RTKN: variants seen among roughly 807,000 people sequenced by gnomAD.
The protein encoded by RTKN is rhotekin.
Under a neutral mutation model 63.5 loss-of-function variants are expected in RTKN, and 49 were observed. The ratio of observed to expected loss-of-function variants is 0.77; its 90% CI spans 0.61 to 0.98. RTKN has a LOEUF of 0.98. RTKN is among the 50% of genes least tolerant of loss of function. RTKN has a pLI of 0.00. For missense variants in RTKN, 685 were observed against 740.8 expected (o/e 0.92, Z 0.87); for synonymous variants, 295 against 290.4 (o/e 1.02, Z -0.16).
At position 74,426,292 on chromosome 2, in the gene RTKN, C is replaced by A; in HGVS notation, c.1643G>T (p.Gly548Val). 2 of 1,614,046 alleles carry A rather than the reference C, an allele frequency of 1.2e-6. No individual in the cohort carries two copies. The highest frequency in any genetic ancestry group is 1.7e-6 in the Non-Finnish European group (2 of 1,179,998). The change falls in exon 12 of 12, where the codon GGC (glycine) becomes GTC (valine). Residue 548 changes from glycine (G) to valine (V), a missense_variant. Transcript: ENST00000272430. ...LPPQRSPRTR[G>V]LCSKGQPRTW... ...GCGAGGTTGGCCTTTGCTGCAGAGG[C>A]CTCTGGTCCGTGGGGATCGCTGAGG...
chr2:74,429,229 A>G (rs1036758695), intron 6 of RTKN, among the ~76,000 whole-genome samples: 10 of 152,194 alleles, frequency 6.6e-5, no homozygotes, highest in African/African-American at 2.2e-4. Context: ...CTTGCCCATA[A>G]TTTATAGGTG....
In RTKN at chr2:74,435,807, A is replaced by G. The variant is rs561618384; in HGVS notation, c.112-3141T>C. Among the ~76,000 whole-genome samples, 147 of 152,286 alleles carry G rather than the reference A, an allele frequency of 9.7e-4. 2 individuals are homozygous for G. Among genetic ancestry groups the G allele is most frequent in the African/African-American group, 3.4e-3 (141 of 41,556 alleles). On this transcript the variant is annotated intron_variant, in intron 1 of 11. Coordinates refer to ENST00000272430, the MANE Select transcript of RTKN (RefSeq NM_001015055.2). ...CTGTCCCTAGTGGCTCCAGCCTTCAAGTCTCTCAGACCCGAACACCCTAAA... is the reference window on the plus strand; with the variant it reads ...CTGTCCCTAGTGGCTCCAGCCTTCAGGTCTCTCAGACCCGAACACCCTAAA...
At chr2:74,435,766 C>T (rs1425298901) in intron 1 of RTKN, among the ~76,000 whole-genome samples, 1 of 152,228 alleles carries the variant, frequency 6.6e-6, no homozygotes, top group Admixed American at 6.5e-5. Flanking sequence ...CTCCTCCATA[C>T]ACTGTGCCCT....
At chr2:74,434,791 A>C (rs189471472) in intron 1 of RTKN, among the ~76,000 whole-genome samples, 1 of 151,588 alleles carries the variant, frequency 6.6e-6, no homozygotes, top group African/African-American at 2.4e-5. Context: ...TTTGGAGTTT[A>C]AAAAAAAATG....
chr2:74,439,092 T>G (rs551596516), intron 1 of RTKN, among the ~76,000 whole-genome samples: 11 of 152,144 alleles, frequency 7.2e-5, no homozygotes, highest in Non-Finnish European at 1.5e-4. Context: ...CTGGGCAATA[T>G]AGTGAGACCT....
At position 74,436,375 on chromosome 2, in the gene RTKN, T is replaced by C. The variant is rs568416552; in HGVS notation, c.112-3709A>G. Among the ~76,000 whole-genome samples the C allele has an allele frequency of 3.9e-5, 6 of 152,120 alleles. No individual in the cohort carries two copies. The highest frequency in any genetic ancestry group is 7.4e-5 in the Non-Finnish European group (5 of 67,950). ...GACGCCGGTGACATCAGCTCCCAAT[T>C]GCCGCGAGAGCAACTGAGGGGTACC... On this transcript the variant is annotated intron_variant, in intron 1 of 11. Transcript: ENST00000272430. The surrounding 1 kb of genome is among the most constrained non-coding windows in gnomAD (Gnocchi z 4.3).
At position 74,430,517 on chromosome 2, in the gene RTKN, G is replaced by A. The variant is rs757680406; in HGVS notation, c.375C>T (p.Asp125=). 6.2e-7 allele frequency: 1 copy of A among 1,614,204 alleles called. No individual in the cohort carries two copies. Among genetic ancestry groups the A allele is most frequent in the African/African-American group, 1.3e-5 (1 of 75,064 alleles). The change falls in exon 4 of 12, where the codon GAC becomes GAT. Residue 125 remains aspartate, a splice_region_variant and synonymous_variant. Coordinates refer to ENST00000272430, the MANE Select transcript of RTKN (RefSeq NM_001015055.2). ...CCTTCCACATGAGTGGAATCCGGAGGTCTAAGGGGCAGAGGGGTAAGAATA... is the reference window on the plus strand; with the variant it reads ...CCTTCCACATGAGTGGAATCCGGAGATCTAAGGGGCAGAGGGGTAAGAATA... ...SPCRGRVCIS[D]LRIPLMWKDT...
intron 1 of RTKN, among the ~76,000 whole-genome samples, chr2:74,441,496 C>G (rs947560616): frequency 6.6e-6 from 1 of 152,238 alleles, no homozygotes; most frequent in Non-Finnish European, 1.5e-5. Flanking sequence ...GGCAGATAAT[C>G]CTAACCAGGC....
chr2:74,428,428 G>C (rs1670538611), intron 8 of RTKN, 32 bp from the exon 9 acceptor site: 2 of 1,613,962 alleles, frequency 1.2e-6, no homozygotes, highest in Admixed American at 3.3e-5. Flanking sequence ...TTCTGGGGAA[G>C]TCACGGCCCC....
chr2:74,432,595 G>A lies in RTKN; in HGVS notation c.183C>T (p.Ala61=), dbSNP rs1212317437. 6.2e-7 allele frequency: 1 copy of A among 1,613,992 alleles called. No homozygotes were observed. The highest frequency in any genetic ancestry group is 8.5e-7 in the Non-Finnish European group (1 of 1,180,018). The stretch of plus-strand genomic sequence containing the variant: ...CCAGAGCCTGCTCTCGCTGGGAGCA[G>A]GCTGCCAGCAGCTTACAGGCCCCTT... ...MREGACKLLA[A]CSQREQALEA... Residue 61 remains alanine, a synonymous_variant, in exon 2 of 12, where the codon GCC becomes GCT. Transcript: ENST00000272430.
rs1267083943 is a variant in RTKN, at chr2:74,436,164, A to C, written c.112-3498T>G. Among the ~76,000 whole-genome samples the C allele has an allele frequency of 6.6e-6, 1 of 152,226 alleles. No homozygotes were observed. The highest frequency in any genetic ancestry group is 2.4e-5 in the African/African-American group (1 of 41,478). On this transcript the variant is annotated intron_variant, in intron 1 of 11. Coordinates refer to ENST00000272430, the MANE Select transcript of RTKN (RefSeq NM_001015055.2). The surrounding 1 kb of genome is among the most constrained non-coding windows in gnomAD (Gnocchi z 4.3). ...GGTGTCCTCAACCCCCATCTTGGCT[A>C]GTCTCATCCCAGTCCCAGCACTCAC...
intron 6 of RTKN, 93 bp downstream of exon 6, chr2:74,429,735 G>A: frequency 8.2e-7 from 1 of 1,222,670 alleles, no homozygotes; most frequent in East Asian, 2.4e-5. Context: ...TGGCAGCAAT[G>A]CAAAATGGGT....
intron 11 of RTKN, chr2:74,426,812 A>T: frequency 7.4e-7 from 1 of 1,354,022 alleles, no homozygotes; most frequent in Admixed American, 3.5e-5. Flanking sequence ...AGGAGTGGGG[A>T]GCAGAGGTGG....
chr2:74,432,255 G>A (rs1323008459), intron 2 of RTKN: 3 of 700,098 alleles, frequency 4.3e-6, no homozygotes, highest in Non-Finnish European at 7.8e-6. Flanking sequence ...CAGACACACC[G>A]ACTTTTCTAA....
intron 9 of RTKN, 40 bp from the exon 10 acceptor site, chr2:74,427,632 T>G: frequency 1.3e-6 from 2 of 1,592,108 alleles, no homozygotes; most frequent in Non-Finnish European, 1.7e-6. Flanking sequence ...TCACAGAAGT[T>G]GGCAGTGACA....
Position 74,430,387 on chromosome 2 carries a change from A to G in RTKN, c.428-18T>C. 6.2e-7 allele frequency: 1 copy of G among 1,613,966 alleles called. No homozygotes were observed. On this transcript the variant is annotated intron_variant, in intron 4 of 11. Transcript: ENST00000272430. ...GTGCAAGTCTGGGGACAAAGGGCAA[A>G]ACAAAAAACACGTCCCACGAGAGCC...
At position 74,427,685 on chromosome 2, in the gene RTKN, G is replaced by C. The variant is rs1305539935; in HGVS notation, c.1087-93C>G. The C allele has an allele frequency of 4.4e-6, 6 of 1,377,522 alleles. No individual in the cohort carries two copies. In the African/African-American group the frequency reaches 8.7e-5, roughly 20 times the overall value. The allele number at this position is 1,377,522 out of a possible 1,614,324, so 85.3% of individuals were successfully genotyped here. On this transcript the variant is annotated intron_variant, in intron 9 of 11. Transcript: ENST00000272430. The stretch of plus-strand genomic sequence containing the variant: ...ACGCCTGCCTTAGAAGAATGAGCTT[G>C]TGGGGCTTTTGCTGAGCCCTCTCAT...
rs977220043 is a variant in RTKN at position 74,440,400 on chromosome 2, G to A, written c.111+1306C>T. 7.1e-6 allele frequency: 7 copies of A among 986,488 alleles called. No homozygotes were observed. The African/African-American group carries it at 1.2e-4, about 17-fold the overall frequency. 61.1% of individuals were successfully genotyped at this position (986,488 alleles called of 1,614,324 possible). A position where few individuals can be genotyped will look rare whatever the true frequency, so the allele number is the denominator to read the frequency against. On this transcript the variant is annotated intron_variant, in intron 1 of 11. Coordinates refer to ENST00000272430, the MANE Select transcript of RTKN (RefSeq NM_001015055.2). ...GAGAGGGAGAGAGGAAGGCAGGGGT[G>A]TGCCTGTCTGCTGCTGTCCCCGCTC...
intron 11 of RTKN, 181 bp from the exon 12 acceptor site, chr2:74,426,755 T>C: frequency 7.3e-7 from 1 of 1,377,006 alleles, no homozygotes; most frequent in Non-Finnish European, 9.3e-7. Flanking sequence ...CAGGCTCTGA[T>C]AAGACTGTGG....
Sources: allele counts gnomAD v4.1 joint callset (sites outside exome capture counted in the v4.1 genomes callset), GRCh38; gene constraint gnomAD v4.1.1; non-coding constraint Gnocchi (gnomAD v3.1); transcripts MANE v1.5; gene names NCBI Gene and HGNC (gene_info 2026-07-23, HGNC 2026-07-21).